The following MTDH variants were observed in gnomAD, a reference collection of about 807,000 sequenced individuals.
MTDH encodes metadherin.
A neutral mutation model predicts 72.7 loss-of-function variants in MTDH; 34 were observed. The ratio of observed to expected loss-of-function variants is 0.47; its 90% CI spans 0.36 to 0.62. The LOEUF is 0.62. MTDH is among the 20% of genes least tolerant of loss of function. MTDH has a pLI of 0.00. For missense variants in MTDH, 677 were observed against 699.4 expected, an observed-to-expected ratio of 0.97 and a Z score of 0.36; for synonymous variants, 266 against 268.9, an observed-to-expected ratio of 0.99 and a Z score of 0.10.
chr8:97,674,326 G>C (rs578052881), intron 2 of MTDH, among the ~76,000 whole-genome samples: 1 of 152,322 alleles, frequency 6.6e-6, no homozygotes, highest in African/African-American at 2.4e-5. Context: ...CCCACCAAAA[G>C]GGGGGAAATC....
At chr8:97,654,476 A>G (rs1811889662) in intron 1 of MTDH, among the ~76,000 whole-genome samples, 1 of 152,100 alleles carries the variant, frequency 6.6e-6, no homozygotes, top group Non-Finnish European at 1.5e-5. Context: ...GGAAATTATT[A>G]TTGTTAAGAC....
chr8:97,670,964 T>G (rs1422837926), intron 2 of MTDH, among the ~76,000 whole-genome samples: 11 of 138,208 alleles, frequency 8.0e-5, no homozygotes, highest in African/African-American at 2.4e-4. Context: ...TTTTTTTTTT[T>G]TTTTTTTTTT....
At chr8:97,674,168 T>C (rs995782843) in intron 2 of MTDH, among the ~76,000 whole-genome samples, 5 of 151,578 alleles carry the variant, frequency 3.3e-5, no homozygotes, top group African/African-American at 7.3e-5. Flanking sequence ...AGAACAAAAA[T>C]GAGAAAAAAA....
chr8:97,665,464 A>T (rs1305289815), intron 2 of MTDH, among the ~76,000 whole-genome samples: 1 of 152,180 alleles, frequency 6.6e-6, no homozygotes, highest in East Asian at 1.9e-4. Context: ...TTACCCTCAG[A>T]TTACAGGCTA....
Position 97,669,338 on chromosome 8 carries a change from G to A in MTDH, c.483+8165G>A, listed in dbSNP as rs543183785. Among the ~76,000 whole-genome samples the A allele has an allele frequency of 8.6e-5, 13 of 151,854 alleles. 1 individual carries two copies. In the South Asian group the frequency reaches 2.7e-3, roughly 32 times the overall value. On this transcript the variant is annotated intron_variant, in intron 2 of 11. Coordinates refer to ENST00000336273, the MANE Select transcript of MTDH (RefSeq NM_178812.4). ...CTAATTTTTGTATTTAATAGAGACG[G>A]GGTTTCACCATGTTAGCCAGGCTGG... is the stretch of plus-strand genomic sequence containing the variant.
rs1191242944 is a variant in MTDH, at chr8:97,728,701, T to C, written c.*4031T>C. On this transcript the variant is annotated 3_prime_UTR_variant, in exon 12 of 12. Coordinates refer to ENST00000336273, the MANE Select transcript of MTDH (RefSeq NM_178812.4). ...CTTTGGGAGGCCAACGCGGGAGGAT[T>C]GTTTGAGCCCAGGAGTTTGAAACCA... The C allele has an allele frequency of 6.7e-6, 1 of 149,752 alleles. No homozygotes were observed. Among genetic ancestry groups the C allele is most frequent in the African/African-American group, 2.5e-5 (1 of 40,608 alleles). The allele number at this position is 149,752 out of a possible 1,614,324, so 9.3% of individuals were successfully genotyped here. A position where few individuals can be genotyped will look rare whatever the true frequency, so the allele number is the denominator to read the frequency against.
At chr8:97,687,176 A>G (rs1813400159) in intron 3 of MTDH, among the ~76,000 whole-genome samples, 1 of 152,166 alleles carries the variant, frequency 6.6e-6, no homozygotes, top group Admixed American at 6.6e-5. Flanking sequence ...ACTTATATAT[A>G]TCACTTTTTC....
chr8:97,722,560 C>T (rs1247711010), intron 10 of MTDH, among the ~76,000 whole-genome samples: 1 of 152,156 alleles, frequency 6.6e-6, no homozygotes, highest in East Asian at 1.9e-4. Context: ...CAAGATTGTG[C>T]CACTGCACTC....
chr8:97,687,659 G>T (rs923415562), intron 4 of MTDH, 54 bp downstream of exon 4: 10 of 1,393,744 alleles, frequency 7.2e-6, no homozygotes, highest in South Asian at 5.9e-5. Context: ...CCTTTTATTC[G>T]GATGTACAAA....
At chr8:97,661,746 C>T (rs1250185713) in intron 2 of MTDH, among the ~76,000 whole-genome samples, 1 of 151,970 alleles carries the variant, frequency 6.6e-6, no homozygotes. Flanking sequence ...AGTTTGAGAT[C>T]AGCCTGGGCA....
At chr8:97,694,129 CTAGAAACTTTTTAGTTTTAGTATGTAAG>C (rs1360569148) in intron 6 of MTDH, among the ~76,000 whole-genome samples, 4 of 151,952 alleles carry the variant, frequency 2.6e-5, no homozygotes, top group Non-Finnish European at 4.4e-5. Context: ...GCAATAGATA[CTAGAAACTTTTTAGTTTTAGTATGTAAG>C]TAGAAAAATA....
chr8:97,678,900 A>G lies in MTDH; in HGVS notation c.484-7768A>G, dbSNP rs538990278. 1.1e-4 allele frequency among the ~76,000 whole-genome samples: 16 copies of G among 152,260 alleles called. No homozygotes were observed. In the South Asian group the frequency reaches 3.3e-3, roughly 32 times the overall value. ...TTAACAAGATGTCAGAAAATAGCCA[A>G]TTTTTGAAAGAAACTCATGCAATGA... On this transcript the variant is annotated intron_variant, in intron 2 of 11. Coordinates refer to ENST00000336273, the MANE Select transcript of MTDH (RefSeq NM_178812.4).
chr8:97,686,752 G>T lies in MTDH; in HGVS notation c.568G>T (p.Gly190Ter). Residue 190 changes from glycine (G) to a stop codon, truncating the protein, a stop_gained and splice_region_variant, in exon 3 of 12, where the codon GGA (glycine) becomes TGA (stop). Transcript: ENST00000336273. LOFTEE classifies it high-confidence loss of function. ...SRHDGKEVDE[G>*]AWETKISHRE... ...CCATGATGGAAAGGAAGTTGATGAAGGTACTTGAGCAAGGGAAAGGACTGT... is the reference window on the plus strand; with the variant it reads ...CCATGATGGAAAGGAAGTTGATGAATGTACTTGAGCAAGGGAAAGGACTGT... 2.5e-6 allele frequency: 4 copies of T among 1,587,468 alleles called. No individual in the cohort carries two copies. Among genetic ancestry groups the T allele is most frequent in the South Asian group, 2.3e-5 (2 of 85,746 alleles).
Position 97,691,125 on chromosome 8 carries a change from G to C in MTDH, c.985G>C (p.Ala329Pro). Reference protein sequence around the residue: ...PSAWSQDTGDANTNGKDWGRS... With the variant: ...PSAWSQDTGDPNTNGKDWGRS... Reference sequence around the variant, plus strand: ...TGCCTGGAGTCAAGACACTGGAGATGCTAATACAAATGGAAAAGACTGGGG... The same window carrying C: ...TGCCTGGAGTCAAGACACTGGAGATCCTAATACAAATGGAAAAGACTGGGG... Residue 329 changes from alanine (A) to proline (P), a missense_variant, in exon 6 of 12, where the codon GCT becomes CCT. By Grantham distance (27) the Ala-to-Pro change is conservative. Coordinates refer to ENST00000336273, the MANE Select transcript of MTDH (RefSeq NM_178812.4). The C allele has an allele frequency of 6.2e-7, 1 of 1,614,068 alleles. No homozygotes were observed. The highest frequency in any genetic ancestry group is 8.5e-7 in the Non-Finnish European group (1 of 1,179,942).
At chr8:97,671,534 T>C (rs1439682483) in intron 2 of MTDH, among the ~76,000 whole-genome samples, 2 of 152,144 alleles carry the variant, frequency 1.3e-5, no homozygotes, top group Non-Finnish European at 2.9e-5. Context: ...CTAAACAATT[T>C]CTTAAGTTTG....
In MTDH at chr8:97,644,643, G is replaced by T. The variant is rs370173092; in HGVS notation, c.137G>T (p.Arg46Leu). 10 of 1,610,062 alleles carry T rather than the reference G, an allele frequency of 6.2e-6. No individual in the cohort carries two copies. The highest frequency in any genetic ancestry group is 6.8e-6 in the Non-Finnish European group (8 of 1,179,118). ...LGLDLGLEPK[R>L]YPGWVILVGT... ...CTCGACCTGGGGCTGGAGCCGAAAC[G>T]GTACCCCGGCTGGGTGATCCTGGTG... The change falls in exon 1 of 12, where the codon CGG becomes CTG. Residue 46 changes from arginine (R) to leucine (L), a missense_variant. By Grantham distance (102) the Arg-to-Leu change is moderately radical. This residue lies in a region of MTDH where 467 missense variants were observed against 469.1 expected (regional missense o/e 1.00). Transcript: ENST00000336273.
intron 2 of MTDH, among the ~76,000 whole-genome samples, chr8:97,678,594 C>CTTTTTTTTTTTTTTTTTTTTT (rs35895126): frequency 7.0e-5 from 6 of 85,324 alleles, no homozygotes; most frequent in African/African-American, 2.5e-4. Context: ...TTCCTTCCTT[C>CTTTTTTTTTTTTTTTTTTTTT]TTTTTTTTTT....
intron 1 of MTDH, 75 bp downstream of exon 1, chr8:97,644,962 C>T: frequency 6.9e-7 from 1 of 1,439,992 alleles, no homozygotes. Flanking sequence ...GGGGAGGCCG[C>T]GCCCCAGCCG....
intron 1 of MTDH, among the ~76,000 whole-genome samples, chr8:97,646,072 A>C (rs1811553181): frequency 1.3e-5 from 2 of 152,204 alleles, no homozygotes; most frequent in Admixed American, 6.5e-5. Context: ...AAGAGGTTTT[A>C]ACTGAGTGTT....
Sources: gnomAD v4.1 joint callset for allele counts (sites outside exome capture counted in the v4.1 genomes callset) on GRCh38, gnomAD v4.1.1 for gene constraint, gnomAD v4.1.1 regional missense constraint, MANE v1.5 for transcripts, NCBI Gene and HGNC (gene_info 2026-07-23, HGNC 2026-07-21) for gene names.